The following SAFB2 variants were observed in gnomAD, a reference collection of about 807,000 sequenced individuals.
SAFB2 encodes scaffold attachment factor B2.
A neutral mutation model predicts 100.6 loss-of-function variants in SAFB2; 32 were observed. The observed-to-expected ratio is 0.32, with a 90% confidence interval of 0.24 to 0.43. The LOEUF is 0.43. SAFB2 is among the 20% of genes least tolerant of loss of function. The probability of loss-of-function intolerance (pLI) is 1.00; values close to 1 mark genes in which losing one functional copy is unlikely to be tolerated. For synonymous variants in SAFB2, 500 were observed against 439.4 expected (o/e 1.14, Z -1.72); for missense variants, 1,185 against 1,163.4 (o/e 1.02, Z -0.27).
Position 5,610,100 on chromosome 19 carries a change from C to T in SAFB2, c.1196-5G>A. The T allele has an allele frequency of 6.2e-7, 1 of 1,613,478 alleles. No homozygotes were observed. Among genetic ancestry groups the T allele is most frequent in the Non-Finnish European group, 8.5e-7 (1 of 1,179,504 alleles). On this transcript the variant is annotated splice_polypyrimidine_tract_variant and splice_region_variant and intron_variant, in intron 8 of 20. Transcript: ENST00000252542. ...CAGAACCGCTGCCGACCCGACCTGG[C>T]ACGAGAGGGAGATTCTTAGGCATCA...
chr19:5,587,184 C>A lies in SAFB2; in HGVS notation c.*59G>T, dbSNP rs2052269124. Reference sequence around the variant, plus strand: ...AAAAGATCCCCCAAGTTCGAGGGAACCCTGGCTACCAGATTCAACAGTGCG... The same window carrying A: ...AAAAGATCCCCCAAGTTCGAGGGAAACCTGGCTACCAGATTCAACAGTGCG... On this transcript the variant is annotated 3_prime_UTR_variant, in exon 21 of 21. Coordinates refer to ENST00000252542, the MANE Select transcript of SAFB2 (RefSeq NM_014649.3). This position sits in a 1 kb window ranked among gnomAD's most constrained non-coding sequence, Gnocchi z 4.9. The A allele has an allele frequency of 1.9e-6, 3 of 1,585,812 alleles. No homozygotes were observed. Among genetic ancestry groups the A allele is most frequent in the Non-Finnish European group, 2.6e-6 (3 of 1,159,120 alleles).
chr19:5,598,638 G>T, intron 13 of SAFB2, 155 bp downstream of exon 13: 1 of 651,694 alleles, frequency 1.5e-6, no homozygotes, highest in Non-Finnish European at 2.8e-6. Flanking sequence ...CAGGATTCAT[G>T]TGTGTGTCTG....
chr19:5,612,627 C>T (rs2145353377), intron 5 of SAFB2, 60 bp from the exon 6 acceptor site: 3 of 1,356,922 alleles, frequency 2.2e-6, no homozygotes, highest in Non-Finnish European at 3.1e-6. Context: ...ACATACATTT[C>T]ACCAGTAAAT....
chr19:5,615,290 G>A (rs1227879249), intron 4 of SAFB2, among the ~76,000 whole-genome samples: 3 of 152,138 alleles, frequency 2.0e-5, no homozygotes, highest in Admixed American at 6.5e-5. Context: ...GGGAGGCGGA[G>A]GTTGCAGTGA....
chr19:5,588,232 G>C (rs905644460), intron 18 of SAFB2, among the ~76,000 whole-genome samples: 3 of 152,034 alleles, frequency 2.0e-5, no homozygotes, highest in African/African-American at 7.3e-5. Flanking sequence ...CCCCTGGCTG[G>C]GATGCTAGAA....
Position 5,597,342 on chromosome 19 carries a change from A to C in SAFB2, c.1782+1451T>G, listed in dbSNP as rs2285966. On this transcript the variant is annotated intron_variant, in intron 13 of 20. Transcript: ENST00000252542. ...CAAGTTTGGAAGATCAAGGCGAGAG[A>C]ATCACTTGAAGCCAGGCTAAGCAAC... Among the ~76,000 whole-genome samples, 20 of 152,316 alleles carry C rather than the reference A, an allele frequency of 1.3e-4. No individual in the cohort carries two copies. The East Asian group carries it at 3.5e-3, about 26-fold the overall frequency.
Position 5,598,884 on chromosome 19 carries a change from C to T in SAFB2, c.1691G>A (p.Gly564Glu). The T allele has an allele frequency of 6.2e-7, 1 of 1,614,034 alleles. No homozygotes were observed. The highest frequency in any genetic ancestry group is 2.2e-5 in the East Asian group (1 of 44,870). Residue 564 changes from glycine (G) to glutamate (E), a missense_variant and splice_region_variant, in exon 13 of 21, where the codon GGA becomes GAA. By Grantham distance (98) the Gly-to-Glu change is moderately conservative (BLOSUM62 -2). Around this residue, in one of 3 missense-constraint regions of SAFB2, gnomAD observed 740 missense variants for 687.1 expected, o/e 1.08. Coordinates refer to ENST00000252542, the MANE Select transcript of SAFB2 (RefSeq NM_014649.3). ...GACCGTCCGCTCCATTCCTCTGCTT[C>T]CTTCAGGAAAAAACACAACAAACTA... Reference protein sequence around the residue: ...PTNRSRVTKSGSRGMERTVVM... With the variant: ...PTNRSRVTKSESRGMERTVVM...
intron 14 of SAFB2, among the ~76,000 whole-genome samples, chr19:5,594,516 G>A (rs955434909): frequency 2.0e-5 from 3 of 152,164 alleles, no homozygotes; most frequent in African/African-American, 4.8e-5. Context: ...CAAGGCAGAG[G>A]GACAAGCCTC....
intron 11 of SAFB2, among the ~76,000 whole-genome samples, chr19:5,601,513 A>T (rs1269383552): frequency 6.6e-6 from 1 of 152,020 alleles, no homozygotes; most frequent in Non-Finnish European, 1.5e-5. Flanking sequence ...GTTCGAGACC[A>T]CCCTGGCCAA....
intron 11 of SAFB2, among the ~76,000 whole-genome samples, chr19:5,603,355 G>A (rs1180603868): frequency 6.6e-6 from 1 of 152,172 alleles, no homozygotes; most frequent in Non-Finnish European, 1.5e-5. Flanking sequence ...CAAAAACCCA[G>A]TTCAACTATG....
At chr19:5,592,962 T>G in intron 15 of SAFB2, 75 bp from the exon 16 acceptor site, 1 of 1,453,054 alleles carries the variant, frequency 6.9e-7, no homozygotes, top group South Asian at 1.2e-5. Context: ...GAGGTGGAGG[T>G]GGGGAGGGGA....
Position 5,600,270 on chromosome 19 carries a change from G to A in SAFB2, c.1560-10C>T. The stretch of plus-strand genomic sequence containing the variant: ...CTTCTTAATTACAGTTCTATTTAAA[G>A]ACATGGTTATCAAATTTGAGTTCAC... On this transcript the variant is annotated splice_polypyrimidine_tract_variant and intron_variant, in intron 11 of 20. Transcript: ENST00000252542. 6.2e-7 allele frequency: 1 copy of A among 1,609,670 alleles called. No individual in the cohort carries two copies. The highest frequency in any genetic ancestry group is 8.5e-7 in the Non-Finnish European group (1 of 1,178,726).
Position 5,604,591 on chromosome 19 carries a change from T to G in SAFB2, c.1551A>C (p.Lys517Asn), listed in dbSNP as rs902718455. The stretch of plus-strand genomic sequence containing the variant: ...TTGAAAATTCACTTTACTTTTCAAT[T>G]TTGATCTCCACAGAATGATGTCTGT... ...SVDRHHSVEI[K>N]IEKTVIKKEE... is the part of the protein sequence containing the mutation. The change falls in exon 11 of 21, where the codon AAA becomes AAC. Residue 517 changes from lysine (K) to asparagine (N), a missense_variant. Transcript: ENST00000252542. 1 of 1,613,362 alleles carries G rather than the reference T, an allele frequency of 6.2e-7. No individual in the cohort carries two copies. The highest frequency in any genetic ancestry group is 1.3e-5 in the African/African-American group (1 of 74,916).
rs934289245 is a variant in SAFB2, at chr19:5,616,277, A to C, written c.398T>G (p.Val133Gly). Residue 133 changes from valine to glycine, a missense_variant, in exon 4 of 21, where the codon GTG (valine) becomes GGG (glycine). By Grantham distance (109) the Val-to-Gly change is moderately radical. Transcript: ENST00000252542. ...LQNMGMMDMSVLDETEVANSS... is the reference protein window; with the variant it reads ...LQNMGMMDMSGLDETEVANSS... ...ATTCGCCACTTCAGTTTCGTCTAGC[A>C]CACTCATGTCCATCATGCCCATATT... The C allele has an allele frequency of 1.2e-6, 2 of 1,614,202 alleles. No homozygotes were observed. Among genetic ancestry groups the C allele is most frequent in the Admixed American group, 3.3e-5 (2 of 60,018 alleles).
Position 5,591,664 on chromosome 19 carries a change from A to G in SAFB2, c.2394+84T>C, listed in dbSNP as rs542852192. 3.6e-6 allele frequency: 5 copies of G among 1,404,254 alleles called. No homozygotes were observed. In the Admixed American group the frequency reaches 7.1e-5, roughly 20 times the overall value. 87.0% of individuals were successfully genotyped at this position (1,404,254 alleles called of 1,614,324 possible). On this transcript the variant is annotated intron_variant, in intron 17 of 20. Transcript: ENST00000252542. ...ACTTGGTTGCCACCTCTCTGGGATC[A>G]AGCGGCCGCCTGGCTAGAAATGGTC...
rs763492966 is a variant in SAFB2 at position 5,587,312 on chromosome 19, G to A, written c.2793C>T (p.Asp931=). ...GTGGGTGAGGGACTCTGCTGCCCCG[G>A]TCCTGGCTGGCCACTCCGCCACCTT... The part of the protein sequence containing the change: ...GLEGGGVASQ[D]RGSRVPHPHP... Residue 931 remains aspartate, a synonymous_variant, in exon 21 of 21, where the codon GAC becomes GAT. Coordinates refer to ENST00000252542, the MANE Select transcript of SAFB2 (RefSeq NM_014649.3). This position sits in a 1 kb window ranked among gnomAD's most constrained non-coding sequence, Gnocchi z 4.9. The A allele has an allele frequency of 8.1e-6, 13 of 1,612,504 alleles. 1 individual carries two copies. Among genetic ancestry groups the A allele is most frequent in the South Asian group, 6.6e-5 (6 of 90,876 alleles).
Position 5,604,182 on chromosome 19 carries a change from G to A in SAFB2, c.1559+401C>T, listed in dbSNP as rs547181217. ...TCCTAGCACTTTGAGAGGCCAAGGCGGGCAAATCATGTGAACTCAGGAGTT... is the reference window on the plus strand; with the variant it reads ...TCCTAGCACTTTGAGAGGCCAAGGCAGGCAAATCATGTGAACTCAGGAGTT... On this transcript the variant is annotated intron_variant, in intron 11 of 20. Transcript: ENST00000252542. Among the ~76,000 whole-genome samples the A allele has an allele frequency of 3.9e-5, 6 of 152,284 alleles. No homozygotes were observed. The South Asian group carries it at 6.2e-4, about 16-fold the overall frequency.
rs1462111269 is a variant in SAFB2 at position 5,591,740 on chromosome 19, C to G, written c.2394+8G>C. 1.2e-6 allele frequency: 2 copies of G among 1,613,676 alleles called. No homozygotes were observed. Among genetic ancestry groups the G allele is most frequent in the African/African-American group, 1.3e-5 (1 of 75,010 alleles). ...GGCCCCAGGGCTTGGCATCGGGGCT[C>G]TACTCACCTGCCCATCCCGGTGGTC... On this transcript the variant is annotated splice_region_variant and intron_variant, in intron 17 of 20. Coordinates refer to ENST00000252542, the MANE Select transcript of SAFB2 (RefSeq NM_014649.3).
chr19:5,615,687 G>A (rs1463374742), intron 4 of SAFB2, among the ~76,000 whole-genome samples: 1 of 152,196 alleles, frequency 6.6e-6, no homozygotes, highest in Non-Finnish European at 1.5e-5. Context: ...GCACAACAGA[G>A]CAAGACCCTG....
Sources: gnomAD v4.1 joint callset for allele counts (sites outside exome capture counted in the v4.1 genomes callset) on GRCh38, gnomAD v4.1.1 for gene constraint, gnomAD v4.1.1 regional missense constraint, Gnocchi (gnomAD v3.1) non-coding constraint, MANE v1.5 for transcripts, NCBI Gene and HGNC (gene_info 2026-07-23, HGNC 2026-07-21) for gene names.